ERC2: variants seen among roughly 807,000 people sequenced by gnomAD.
The protein encoded by ERC2 is ELKS/RAB6-interacting/CAST family member 2.
A neutral mutation model predicts 114.8 loss-of-function variants in ERC2; 42 were observed. The observed-to-expected ratio is 0.37, with a 90% confidence interval of 0.29 to 0.47. The LOEUF is 0.47. ERC2 is among the 20% of genes least tolerant of loss of function. The pLI is 0.99. For synonymous variants in ERC2, 454 were observed against 425.5 expected, an observed-to-expected ratio of 1.07 and a Z score of -0.82; for missense variants, 939 against 1,150.7, an observed-to-expected ratio of 0.82 and a Z score of 2.66.
At chr3:55,785,430 G>A (rs140956507) in intron 14 of ERC2, among the ~76,000 whole-genome samples, 1 of 152,316 alleles carries the variant, frequency 6.6e-6, no homozygotes, top group African/African-American at 2.4e-5. Flanking sequence ...ATCCCTTGCT[G>A]TAATTTTGAG....
chr3:56,183,767 G>A (rs1349616), intron 3 of ERC2, among the ~76,000 whole-genome samples: 140,047 of 152,168 alleles, frequency 0.92, 64,828 homozygotes, highest in East Asian at 1. Flanking sequence ...TTTGGGGAAC[G>A]GCAAGTTTCC....
chr3:55,877,515 CTTTT>C (rs369593635), intron 14 of ERC2, among the ~76,000 whole-genome samples: 3 of 140,656 alleles, frequency 2.1e-5, no homozygotes, highest in Admixed American at 7.2e-5. Flanking sequence ...TTTATTTTTT[CTTTT>C]TTTTTTTTTT....
intron 17 of ERC2, among the ~76,000 whole-genome samples, chr3:55,651,894 C>A (rs2060637961): frequency 6.6e-6 from 1 of 152,180 alleles, no homozygotes. Flanking sequence ...AAGGCAAAAT[C>A]CCAGCAGCTC....
intron 3 of ERC2, among the ~76,000 whole-genome samples, chr3:56,267,405 T>C (rs2053383090): frequency 6.6e-6 from 1 of 152,162 alleles, no homozygotes; most frequent in African/African-American, 2.4e-5. Context: ...TGTGGAATGT[T>C]TTTTAAAAAT....
At chr3:55,778,222 G>A (rs541530475) in intron 14 of ERC2, among the ~76,000 whole-genome samples, 4 of 152,178 alleles carry the variant, frequency 2.6e-5, no homozygotes, top group Admixed American at 6.5e-5. Context: ...AAATGCAGGT[G>A]TTCCTTAAAT....
chr3:55,800,300 C>T (rs769241778), intron 14 of ERC2, among the ~76,000 whole-genome samples: 10 of 152,064 alleles, frequency 6.6e-5, no homozygotes, highest in Non-Finnish European at 1.3e-4. Flanking sequence ...CGTGCTACCA[C>T]GCCCGGCTAA....
intron 6 of ERC2, among the ~76,000 whole-genome samples, chr3:56,129,779 C>T (rs1344625728): frequency 6.6e-6 from 1 of 152,070 alleles, no homozygotes; most frequent in East Asian, 1.9e-4. Context: ...CATTTTCTTT[C>T]AAAGAAAATA....
intron 7 of ERC2, 72 bp downstream of exon 7, chr3:56,080,743 ATG>A (rs2077191052): frequency 6.8e-7 from 1 of 1,464,912 alleles, no homozygotes; most frequent in East Asian, 2.3e-5. Context: ...CTTATTTTCC[ATG>A]TGCTCAAAAT....
chr3:55,568,800 T>C (rs11711663), intron 17 of ERC2, among the ~76,000 whole-genome samples: 55,051 of 151,988 alleles, frequency 0.36, 10,160 homozygotes, highest in South Asian at 0.53. Flanking sequence ...TCGTTCACAG[T>C]GAAAGCAAAA....
chr3:56,435,844 T>C (rs2061993919), intron 1 of ERC2, among the ~76,000 whole-genome samples: 2 of 152,210 alleles, frequency 1.3e-5, no homozygotes, highest in South Asian at 4.1e-4. Flanking sequence ...CTCAATGATA[T>C]TACCAGAGAA....
intron 15 of ERC2, among the ~76,000 whole-genome samples, chr3:55,723,364 A>C (rs780542626): frequency 3.3e-5 from 5 of 152,184 alleles, no homozygotes; most frequent in Non-Finnish European, 7.4e-5. Flanking sequence ...AGCAAATATT[A>C]TTTCTATGAT....
chr3:56,267,772 C>T (rs146735779), intron 3 of ERC2, among the ~76,000 whole-genome samples: 1,610 of 152,076 alleles, frequency 0.011, 26 homozygotes, highest in African/African-American at 0.037. Context: ...GAGCGGAACT[C>T]CATCTCAAAA....
chr3:56,280,779 T>C (rs1192670078), intron 3 of ERC2, among the ~76,000 whole-genome samples: 1 of 152,212 alleles, frequency 6.6e-6, no homozygotes, highest in East Asian at 1.9e-4. Flanking sequence ...GGAGTGACTA[T>C]TTCTACAGGC....
At chr3:55,751,591 A>G (rs1252731687) in intron 14 of ERC2, among the ~76,000 whole-genome samples, 16 of 152,170 alleles carry the variant, frequency 1.1e-4, no homozygotes, top group Admixed American at 8.5e-4. Context: ...TATCCCTTCA[A>G]TTATCTGCTA....
chr3:56,447,141 A>G (rs2062612628), intron 1 of ERC2, among the ~76,000 whole-genome samples: 1 of 152,206 alleles, frequency 6.6e-6, no homozygotes, highest in African/African-American at 2.4e-5. Flanking sequence ...TGGGGCACCA[A>G]TAGCATCCGC....
chr3:55,738,577 TCA>T (rs1318730812), intron 14 of ERC2, among the ~76,000 whole-genome samples: 1 of 152,044 alleles, frequency 6.6e-6, no homozygotes, highest in Non-Finnish European at 1.5e-5. Flanking sequence ...ACACATATTT[TCA>T]CACACACACA....
At chr3:56,139,346 T>C (rs2080712000) in intron 6 of ERC2, among the ~76,000 whole-genome samples, 163 bp downstream of exon 6, 1 of 152,232 alleles carries the variant, frequency 6.6e-6, no homozygotes, top group South Asian at 2.1e-4. Context: ...ACACAATCTA[T>C]ACAATGCATC....
chr3:55,573,615 G>T (rs2056833474), intron 17 of ERC2, among the ~76,000 whole-genome samples: 1 of 152,100 alleles, frequency 6.6e-6, no homozygotes, highest in Admixed American at 6.5e-5. Context: ...CAATTTTTAT[G>T]ACTTTCTTTT....
At chr3:55,580,308 G>A (rs754369418) in intron 17 of ERC2, among the ~76,000 whole-genome samples, 54 of 151,692 alleles carry the variant, frequency 3.6e-4, no homozygotes, top group African/African-American at 1.2e-3. Flanking sequence ...TGCCAGAGGC[G>A]AAAGAATAAA....
Sources: gnomAD v4.1 joint callset for allele counts (sites outside exome capture counted in the v4.1 genomes callset) on GRCh38, gnomAD v4.1.1 for gene constraint, MANE v1.5 for transcripts, NCBI Gene and HGNC (gene_info 2026-07-23, HGNC 2026-07-21) for gene names.